Variants in SLC4A8 observed in about 807,000 individuals in gnomAD.
SLC4A8 encodes solute carrier family 4 member 8.
SLC4A8 carries 40 observed loss-of-function variants against 125.0 expected under a neutral mutation model. That is an observed-to-expected ratio of 0.32 (90% CI 0.25 to 0.42). The LOEUF (loss-of-function observed/expected upper bound fraction) is 0.42, where lower values mean the gene tolerates loss of function less well. SLC4A8 is among the 10% of genes least tolerant of loss of function. The probability of loss-of-function intolerance (pLI) is 1.00; values close to 1 mark genes in which losing one functional copy is unlikely to be tolerated. For synonymous variants in SLC4A8, 456 were observed against 476.0 expected, an observed-to-expected ratio of 0.96 and a Z score of 0.55; for missense variants, 863 against 1,355.1, an observed-to-expected ratio of 0.64 and a Z score of 5.70.
intron 22 of SLC4A8, among the ~76,000 whole-genome samples, chr12:51,503,321 T>C (rs1938015101): frequency 6.6e-6 from 1 of 150,806 alleles, no homozygotes; most frequent in Non-Finnish European, 1.5e-5. Context: ...GACTCCCGGG[T>C]TCACGCCATT....
At chr12:51,445,246 C>A (rs985827505) in intron 2 of SLC4A8, among the ~76,000 whole-genome samples, 4 of 152,164 alleles carry the variant, frequency 2.6e-5, no homozygotes, top group South Asian at 2.1e-4. Flanking sequence ...TCATGGCTCA[C>A]CACAGCCTCC....
chr12:51,440,855 GCT>G, intron 2 of SLC4A8, 66 bp downstream of exon 2: 1 of 1,346,904 alleles, frequency 7.4e-7, no homozygotes, highest in Non-Finnish European at 1.0e-6. Context: ...GGAAGACCTG[GCT>G]CTGTGTCCTA....
intron 1 of SLC4A8, among the ~76,000 whole-genome samples, chr12:51,416,211 G>GTTTTTTTTTTTTTTTTTTTT (rs57565585): frequency 2.4e-5 from 2 of 82,534 alleles, no homozygotes; most frequent in Non-Finnish European, 4.7e-5. Context: ...GAGGTCTTTT[G>GTTTTTTTTTTTTTTTTTTTT]TTTTTTTTTT....
At chr12:51,407,756 GGGAC>G (rs1228282695) in intron 1 of SLC4A8, 3 of 152,260 alleles carry the variant, frequency 2.0e-5, no homozygotes, top group African/African-American at 7.2e-5. Flanking sequence ...GCCCTGGTGT[GGGAC>G]GTGCACACAT....
chr12:51,479,946 A>T (rs1221144669), intron 16 of SLC4A8: 3 of 408,722 alleles, frequency 7.3e-6, no homozygotes, highest in Non-Finnish European at 1.4e-5. Flanking sequence ...TGTTTCTACA[A>T]GGCCAAGTTT....
At chr12:51,447,249 A>ATTT (rs879841219) in intron 2 of SLC4A8, among the ~76,000 whole-genome samples, 1 of 144,402 alleles carries the variant, frequency 6.9e-6, no homozygotes, top group Non-Finnish European at 1.5e-5. Context: ...CACCTGTCTA[A>ATTT]TTTTTTTTTT....
At position 51,452,106 on chromosome 12, in the gene SLC4A8, CTT is replaced by C; in HGVS notation, c.278-16_278-15del. On this transcript the variant is annotated splice_polypyrimidine_tract_variant and intron_variant, in intron 3 of 24. Transcript: ENST00000453097. ...GTGTGAGGCTAGAGCAGACCTTTCTCTTTGGTTGATTTCCTAGACACACCATC... is the reference window on the plus strand; with the variant it reads ...GTGTGAGGCTAGAGCAGACCTTTCTCTGGTTGATTTCCTAGACACACCATC... The C allele has an allele frequency of 6.2e-7, 1 of 1,614,034 alleles. No individual in the cohort carries two copies. The highest frequency in any genetic ancestry group is 8.5e-7 in the Non-Finnish European group (1 of 1,179,904).
At chr12:51,475,021 C>A in intron 15 of SLC4A8, 24 bp from the exon 16 acceptor site, 1 of 1,607,558 alleles carries the variant, frequency 6.2e-7, no homozygotes, top group Non-Finnish European at 8.5e-7. Flanking sequence ...TGCCTTTCAT[C>A]ACCCAGAATG....
At position 51,452,236 on chromosome 12, in the gene SLC4A8, T is replaced by C. The variant is rs1460141443; in HGVS notation, c.390T>C (p.Asp130=). The change falls in exon 4 of 25, where the codon GAT becomes GAC. Residue 130 remains aspartate (D), a synonymous_variant. Transcript: ENST00000453097. ...AGATCTGTATGAAAGAGGGAGAAGA[T>C]GCTGAGTGGAAGGAAACAGCCAGGT... is the stretch of plus-strand genomic sequence containing the variant. ...LDEICMKEGE[D]AEWKETARWL... is the part of the protein sequence containing the mutation. 1.9e-5 allele frequency: 31 copies of C among 1,614,114 alleles called. No individual in the cohort carries two copies. The highest frequency in any genetic ancestry group is 2.4e-5 in the Non-Finnish European group (28 of 1,180,014).
At chr12:51,473,694 A>G (rs1772924847) in intron 14 of SLC4A8, among the ~76,000 whole-genome samples, 1 of 152,178 alleles carries the variant, frequency 6.6e-6, no homozygotes, top group African/African-American at 2.4e-5. Context: ...CATGGTGGCC[A>G]ATGGCACAGG....
At chr12:51,481,602 A>T (rs1951028261) in intron 16 of SLC4A8, among the ~76,000 whole-genome samples, 1 of 151,990 alleles carries the variant, frequency 6.6e-6, no homozygotes, top group Non-Finnish European at 1.5e-5. Flanking sequence ...GAGTAGATAA[A>T]ACTGTGATTC....
upstream of SLC4A8, among the ~76,000 whole-genome samples, chr12:51,421,605 G>A (rs1948791142): frequency 1.3e-5 from 2 of 152,132 alleles, no homozygotes; most frequent in South Asian, 4.1e-4. Flanking sequence ...CTTCTGCCAT[G>A]GCTGGGACTT....
chr12:51,505,948 ATCTGGTTTTTATTTATT>A lies in SLC4A8; in HGVS notation c.3269+24_3269+40del, dbSNP rs545081502. 29 of 1,163,446 alleles carry A rather than the reference ATCTGGTTTTTATTTATT, an allele frequency of 2.5e-5. No individual in the cohort carries two copies. Among genetic ancestry groups the A allele is most frequent in the Admixed American group, 2.0e-4 (10 of 49,642 alleles). The allele number at this position is 1,163,446 out of a possible 1,614,324, so 72.1% of individuals were successfully genotyped here. A position where few individuals can be genotyped will look rare whatever the true frequency, so the allele number is the denominator to read the frequency against. On this transcript the variant is annotated intron_variant, in intron 24 of 24. Transcript: ENST00000453097. ...GAAAAGAGGTAAAGAGAACTGTAAC[ATCTGGTTTTTATTTATT>A]TCTGGCTTTTGACAATGGCGATATT...
intron 1 of SLC4A8, among the ~76,000 whole-genome samples, chr12:51,413,051 C>T (rs898306902): frequency 7.2e-5 from 11 of 152,164 alleles, no homozygotes; most frequent in Admixed American, 6.5e-4. Flanking sequence ...ATAAGAGTTC[C>T]CTTTTCCCTG....
intron 1 of SLC4A8, among the ~76,000 whole-genome samples, chr12:51,400,755 TATATATATATATATATATATATAC>T (rs1192911297): frequency 6.1e-4 from 9 of 14,848 alleles, no homozygotes; most frequent in South Asian, 2.4e-3. Context: ...TATATATATA[TATATATATATATATATATATATAC>T]ATACATACAC....
intron 4 of SLC4A8, 56 bp downstream of exon 4, chr12:51,452,315 C>T: frequency 6.3e-7 from 1 of 1,592,778 alleles, no homozygotes; most frequent in South Asian, 1.1e-5. Context: ...AGTGTGTACC[C>T]TTCAGCAAGT....
Position 51,511,086 on chromosome 12 carries a change from A to G in SLC4A8, c.*3648A>G, listed in dbSNP as rs1051078324. 1 of 152,162 alleles carries G rather than the reference A, an allele frequency of 6.6e-6. No individual in the cohort carries two copies. The highest frequency in any genetic ancestry group is 6.5e-5 in the Admixed American group (1 of 15,282). The allele number at this position is 152,162 out of a possible 1,614,324, so 9.4% of individuals were successfully genotyped here. A position where few individuals can be genotyped will look rare whatever the true frequency, so the allele number is the denominator to read the frequency against. ...AGGATTTCCCATTGTTCATCTGTGAATGTTGATTGGCCAACCTGTCTGAGC... is the reference window on the plus strand; with the variant it reads ...AGGATTTCCCATTGTTCATCTGTGAGTGTTGATTGGCCAACCTGTCTGAGC... On this transcript the variant is annotated 3_prime_UTR_variant, in exon 25 of 25. Coordinates refer to ENST00000453097, the MANE Select transcript of SLC4A8 (RefSeq NM_001039960.3).
chr12:51,414,162 C>CTT (rs1344423234), intron 1 of SLC4A8, among the ~76,000 whole-genome samples: 10 of 139,460 alleles, frequency 7.2e-5, no homozygotes, highest in African/African-American at 2.3e-4. Context: ...ATTCCTGGGT[C>CTT]TTTTTTTTTT....
At position 51,508,485 on chromosome 12, in the gene SLC4A8, A is replaced by G. The variant is rs985103309; in HGVS notation, c.*1047A>G. On this transcript the variant is annotated 3_prime_UTR_variant, in exon 25 of 25. Coordinates refer to ENST00000453097, the MANE Select transcript of SLC4A8 (RefSeq NM_001039960.3). ...CCTGGCGAGATCCAAGTGCTTACGT[A>G]CTGTCTCCTTAGCTGCCTTAGAGTA... 7 of 152,606 alleles carry G rather than the reference A, an allele frequency of 4.6e-5. No homozygotes were observed. The highest frequency in any genetic ancestry group is 4.6e-4 in the Admixed American group (7 of 15,282). 9.5% of individuals were successfully genotyped at this position (152,606 alleles called of 1,614,324 possible).
Sources: gnomAD v4.1 joint callset for allele counts (sites outside exome capture counted in the v4.1 genomes callset) on GRCh38, gnomAD v4.1.1 for gene constraint, MANE v1.5 for transcripts, NCBI Gene and HGNC (gene_info 2026-07-23, HGNC 2026-07-21) for gene names.